Variants in LIN52 observed in about 807,000 individuals in gnomAD.
The protein encoded by LIN52 is lin-52 DREAM MuvB core complex component.
LIN52 carries 4 observed loss-of-function variants against 18.5 expected under a neutral mutation model. The ratio of observed to expected loss-of-function variants is 0.22; its 90% confidence interval spans 0.11 to 0.49. LIN52 has a LOEUF of 0.49. Ranked by LOEUF, LIN52 falls within the 20% of genes least tolerant of loss-of-function variation. The pLI, the probability that LIN52 is intolerant of heterozygous loss-of-function variation, is 0.97. For missense variants in LIN52, 102 were observed against 139.5 expected, an observed-to-expected ratio of 0.73 and a Z score of 1.35; for synonymous variants, 34 against 45.5, an observed-to-expected ratio of 0.75 and a Z score of 1.02.
At chr14:74,095,403 G>A (rs2060804019) in intron 2 of LIN52, among the ~76,000 whole-genome samples, 1 of 151,904 alleles carries the variant, frequency 6.6e-6, no homozygotes, top group African/African-American at 2.4e-5. Context: ...CCAAAGTGCT[G>A]GGACTACAGG....
At chr14:74,197,581 A>G (rs376083949) in intron 5 of LIN52, among the ~76,000 whole-genome samples, 8 of 152,226 alleles carry the variant, frequency 5.3e-5, no homozygotes, top group African/African-American at 1.9e-4. Context: ...CTGTAAATCC[A>G]TGAAGGAAGG....
chr14:74,181,450 A>G (rs1168973656), intron 5 of LIN52, among the ~76,000 whole-genome samples: 1 of 151,830 alleles, frequency 6.6e-6, no homozygotes, highest in Non-Finnish European at 1.5e-5. Flanking sequence ...AAAAAAAAAA[A>G]ATTCTAGTAC....
intron 5 of LIN52, among the ~76,000 whole-genome samples, chr14:74,166,224 T>A (rs1217967914): frequency 1.3e-5 from 2 of 150,664 alleles, no homozygotes; most frequent in Non-Finnish European, 3.0e-5. Flanking sequence ...AGTTATTTTT[T>A]ATTTTTTTTA....
chr14:74,130,587 C>CTT (rs1566856707), intron 5 of LIN52, among the ~76,000 whole-genome samples: 10 of 115,694 alleles, frequency 8.6e-5, no homozygotes, highest in East Asian at 2.6e-4. Context: ...CTAAATTGGC[C>CTT]ATTTTTTTTT....
intron 5 of LIN52, among the ~76,000 whole-genome samples, chr14:74,173,065 T>C (rs952009287): frequency 6.6e-6 from 1 of 152,236 alleles, no homozygotes; most frequent in Non-Finnish European, 1.5e-5. Flanking sequence ...ATAGAACCTA[T>C]AATTAAATGC....
intron 5 of LIN52, among the ~76,000 whole-genome samples, chr14:74,183,579 TG>T (rs1371064879): frequency 6.6e-6 from 1 of 152,186 alleles, no homozygotes; most frequent in Non-Finnish European, 1.5e-5. Flanking sequence ...GGGAAGCATT[TG>T]GTGAGGTTTT....
At chr14:74,097,733 A>G in intron 3 of LIN52, 61 bp from the exon 4 acceptor site, 1 of 1,253,732 alleles carries the variant, frequency 8.0e-7, no homozygotes, top group Non-Finnish European at 1.2e-6. Flanking sequence ...ACTTCTTATA[A>G]GAATAATAGG....
rs963932424 is a variant in LIN52 at position 74,190,638 on chromosome 14, T to G, written c.284-8284T>G. ...AACTCCTGACCTCAAGTGATCTGGCTGTCTCGACCTCCCAAAGTGCTGGGA... is the reference window on the plus strand; with the variant it reads ...AACTCCTGACCTCAAGTGATCTGGCGGTCTCGACCTCCCAAAGTGCTGGGA... On this transcript the variant is annotated intron_variant, in intron 5 of 5. Coordinates refer to ENST00000555028, the MANE Select transcript of LIN52 (RefSeq NM_001024674.3). Among the ~76,000 whole-genome samples, 3 of 152,216 alleles carry G rather than the reference T, an allele frequency of 2.0e-5. No individual in the cohort carries two copies. In the East Asian group the frequency reaches 5.8e-4, roughly 29 times the overall value.
At chr14:74,110,920 C>T (rs62005143) in intron 5 of LIN52, among the ~76,000 whole-genome samples, 15,253 of 136,160 alleles carry the variant, frequency 0.11, 832 homozygotes, top group South Asian at 0.2. Flanking sequence ...GAGCCGAGAT[C>T]GCGCCACTGC....
chr14:74,101,947 A>T (rs532645087), intron 5 of LIN52, among the ~76,000 whole-genome samples: 91 of 151,990 alleles, frequency 6.0e-4, no homozygotes, highest in African/African-American at 2.0e-3. Context: ...TAATTAAAAA[A>T]TTTTTTTTGT....
rs1317692696 is a variant in LIN52, at chr14:74,199,599, GC to G, written c.*626del. 2 of 152,240 alleles carry G rather than the reference GC, an allele frequency of 1.3e-5. No individual in the cohort carries two copies. Among genetic ancestry groups the G allele is most frequent in the African/African-American group, 4.8e-5 (2 of 41,524 alleles). 9.4% of individuals were successfully genotyped at this position (152,240 alleles called of 1,614,324 possible). Reference sequence around the variant, plus strand: ...TTTGCTTTTCATTCCTTACTTCCCAGCCCCACCTTCTAGTTCTGACTTCGGG... The same window carrying G: ...TTTGCTTTTCATTCCTTACTTCCCAGCCCACCTTCTAGTTCTGACTTCGGG... On this transcript the variant is annotated 3_prime_UTR_variant, in exon 6 of 6. Transcript: ENST00000555028.
intron 5 of LIN52, among the ~76,000 whole-genome samples, chr14:74,153,784 T>G (rs965420394): frequency 2.6e-5 from 4 of 152,126 alleles, no homozygotes; most frequent in Non-Finnish European, 5.9e-5. Context: ...CTTCAGGTGA[T>G]CCACCCGCCT....
In LIN52 at chr14:74,173,295, C is replaced by T. The variant is rs377489824; in HGVS notation, c.284-25627C>T. ...CTCTGCCTCCTGGGTTCAAGTGATT[C>T]TCCTGCCTCAGCCCCCTGAATAGCT... On this transcript the variant is annotated intron_variant, in intron 5 of 5. Coordinates refer to ENST00000555028, the MANE Select transcript of LIN52 (RefSeq NM_001024674.3). Among the ~76,000 whole-genome samples the T allele has an allele frequency of 1.2e-4, 19 of 152,282 alleles. No homozygotes were observed. In the East Asian group the frequency reaches 3.7e-3, roughly 29 times the overall value.
At chr14:74,171,091 T>C (rs1452895042) in intron 5 of LIN52, among the ~76,000 whole-genome samples, 1 of 151,500 alleles carries the variant, frequency 6.6e-6, no homozygotes, top group Non-Finnish European at 1.5e-5. Context: ...TGCCATTAAA[T>C]GAAAGGTACT....
At chr14:74,098,376 A>C (rs1370767735) in intron 4 of LIN52, among the ~76,000 whole-genome samples, 2 of 152,094 alleles carry the variant, frequency 1.3e-5, no homozygotes, top group Middle Eastern at 3.4e-3. Context: ...AAAATCAACC[A>C]GGCATGGTGG....
chr14:74,095,835 T>C lies in LIN52; in HGVS notation c.95-113T>C, dbSNP rs948711561. Reference sequence around the variant, plus strand: ...GTGTTATAGTTATTGGTTTATTCTTTCTCTTCTTCTAAACTATAAGAAAAC... The same window carrying C: ...GTGTTATAGTTATTGGTTTATTCTTCCTCTTCTTCTAAACTATAAGAAAAC... On this transcript the variant is annotated intron_variant, in intron 2 of 5. Coordinates refer to ENST00000555028, the MANE Select transcript of LIN52 (RefSeq NM_001024674.3). The C allele has an allele frequency of 4.6e-6, 3 of 647,296 alleles. No homozygotes were observed. In the African/African-American group the frequency reaches 5.7e-5, roughly 12 times the overall value. 40.1% of individuals were successfully genotyped at this position (647,296 alleles called of 1,614,324 possible).
At chr14:74,112,052 G>A (rs1192527602) in intron 5 of LIN52, among the ~76,000 whole-genome samples, 1 of 151,786 alleles carries the variant, frequency 6.6e-6, no homozygotes, top group African/African-American at 2.4e-5. Context: ...GGCTAATTTT[G>A]TATTTTTAGT....
intron 5 of LIN52, among the ~76,000 whole-genome samples, chr14:74,195,969 A>G (rs1189356955): frequency 6.6e-6 from 1 of 152,200 alleles, no homozygotes; most frequent in East Asian, 1.9e-4. Context: ...TCTGTGCACA[A>G]AAAGGGGTTG....
At chr14:74,132,096 C>T (rs573378688) in intron 5 of LIN52, among the ~76,000 whole-genome samples, 2 of 152,314 alleles carry the variant, frequency 1.3e-5, no homozygotes, top group East Asian at 3.9e-4. Flanking sequence ...CATGTGTATA[C>T]TCATTTAATT....
Sources: gnomAD v4.1 joint callset for allele counts (sites outside exome capture counted in the v4.1 genomes callset) on GRCh38, gnomAD v4.1.1 for gene constraint, MANE v1.5 for transcripts, NCBI Gene and HGNC (gene_info 2026-07-23, HGNC 2026-07-21) for gene names.